Variants in SH3GL2 observed in about 807,000 individuals in gnomAD.
SH3GL2 encodes the protein SH3 domain containing GRB2 like 2, endophilin A1.
SH3GL2 carries 24 observed loss-of-function variants against 46.0 expected under a neutral mutation model. That is an observed-to-expected ratio of 0.52 (90% CI 0.38 to 0.73). The LOEUF (loss-of-function observed/expected upper bound fraction) is 0.73, where lower values mean the gene tolerates loss of function less well. Among genes scored for constraint, SH3GL2 ranks in the 30% least tolerant of loss-of-function variants. The pLI, the probability that SH3GL2 is intolerant of heterozygous loss-of-function variation, is 0.00. For synonymous variants in SH3GL2, 196 were observed against 147.1 expected, an observed-to-expected ratio of 1.33 and a Z score of -2.40; for missense variants, 413 against 424.2, an observed-to-expected ratio of 0.97 and a Z score of 0.23.
intron 1 of SH3GL2, among the ~76,000 whole-genome samples, chr9:17,668,381 C>A (rs138293542): frequency 1.5e-4 from 23 of 152,274 alleles, no homozygotes; most frequent in African/African-American, 5.5e-4. Flanking sequence ...ACTGTTCTTT[C>A]CTCATTCAAT....
rs1823958462 is a variant in SH3GL2, at chr9:17,786,406, C to T, written c.213C>T (p.Ile71=). 1 of 1,613,122 alleles carries T rather than the reference C, an allele frequency of 6.2e-7. No homozygotes were observed. The highest frequency in any genetic ancestry group is 8.5e-7 in the Non-Finnish European group (1 of 1,179,600). The change falls in exon 4 of 9, where the codon ATC becomes ATT. Residue 71 remains isoleucine, a synonymous_variant. Transcript: ENST00000380607. ...CTTCCAGAGCTAAGCTCAGCATGATCAACACCATGTCAAAAATCCGTGGCC... is the reference window on the plus strand; with the variant it reads ...CTTCCAGAGCTAAGCTCAGCATGATTAACACCATGTCAAAAATCCGTGGCC... ...NPASRAKLSM[I]NTMSKIRGQE...
rs1453534306 is a variant in SH3GL2 at position 17,622,976 on chromosome 9, GTTTCCTTTCGTTTCC to G, written c.45+43699_45+43713del. On this transcript the variant is annotated intron_variant, in intron 1 of 8. Transcript: ENST00000380607. Reference sequence around the variant, plus strand: ...CCCTTCCTCCCTCCCTTTTCCTTTCGTTTCCTTTCGTTTCCTTTCCTTTCCTTTCCTTTCCTTTCC... The same window carrying G: ...CCCTTCCTCCCTCCCTTTTCCTTTCGTTTCCTTTCCTTTCCTTTCCTTTCC... 2.7e-4 allele frequency among the ~76,000 whole-genome samples: 21 copies of G among 78,742 alleles called. 1 individual carries two copies. The highest frequency in any genetic ancestry group is 1.4e-3 in the Admixed American group (10 of 6,970). 51.7% of individuals were successfully genotyped at this position (78,742 alleles called of 152,430 possible).
chr9:17,579,382 C>A (rs907324409), intron 1 of SH3GL2, 95 bp downstream of exon 1: 58 of 696,482 alleles, frequency 8.3e-5, no homozygotes, highest in Admixed American at 1.8e-4. Flanking sequence ...TTGGGGAGTT[C>A]GGCACCGAGC....
At chr9:17,658,690 A>C (rs1476229769) in intron 1 of SH3GL2, among the ~76,000 whole-genome samples, 1 of 152,164 alleles carries the variant, frequency 6.6e-6, no homozygotes, top group African/African-American at 2.4e-5. Context: ...ATTTATTGGG[A>C]GGAGAGCTGT....
At chr9:17,606,253 C>T (rs1818759674) in intron 1 of SH3GL2, among the ~76,000 whole-genome samples, 2 of 152,088 alleles carry the variant, frequency 1.3e-5, no homozygotes, top group Admixed American at 1.3e-4. Flanking sequence ...CCACCACACC[C>T]AGCTAATTTT....
chr9:17,794,806 A>G (rs573626721), intron 8 of SH3GL2, among the ~76,000 whole-genome samples: 21 of 152,298 alleles, frequency 1.4e-4, no homozygotes, highest in Non-Finnish European at 2.6e-4. Context: ...TGCACTGCAT[A>G]TATTTATGTA....
chr9:17,753,685 C>T (rs1822911100), intron 2 of SH3GL2, among the ~76,000 whole-genome samples: 1 of 152,062 alleles, frequency 6.6e-6, no homozygotes, highest in South Asian at 2.1e-4. Context: ...ATAATTAGAT[C>T]CCATTTGTTA....
At chr9:17,601,107 T>G (rs979798628) in intron 1 of SH3GL2, among the ~76,000 whole-genome samples, 3 of 152,182 alleles carry the variant, frequency 2.0e-5, no homozygotes, top group African/African-American at 4.8e-5. Flanking sequence ...TGGTGGTGTT[T>G]CTACAGCTTT....
chr9:17,736,994 C>T (rs1482925667), intron 1 of SH3GL2, among the ~76,000 whole-genome samples: 3 of 152,090 alleles, frequency 2.0e-5, no homozygotes, highest in Non-Finnish European at 4.4e-5. Flanking sequence ...AAATGTGGCA[C>T]ATATACACCA....
At chr9:17,706,879 G>C (rs1035780693) in intron 1 of SH3GL2, among the ~76,000 whole-genome samples, 2 of 151,958 alleles carry the variant, frequency 1.3e-5, no homozygotes, top group African/African-American at 2.4e-5. Flanking sequence ...AGTTGCTGTA[G>C]GGTTTTACCT....
In SH3GL2 at chr9:17,791,340, C is replaced by A; in HGVS notation, c.728+6C>A. The stretch of plus-strand genomic sequence containing the variant: ...ACGGTCAGACTGGAAGAAAGGTATT[C>A]TACAGTTCCCTGCATTTCACATTTG... On this transcript the variant is annotated splice_donor_region_variant and intron_variant, in intron 7 of 8. Coordinates refer to ENST00000380607, the MANE Select transcript of SH3GL2 (RefSeq NM_003026.5). 6.5e-7 allele frequency: 1 copy of A among 1,547,866 alleles called. No individual in the cohort carries two copies. Among genetic ancestry groups the A allele is most frequent in the Middle Eastern group, 1.7e-4 (1 of 5,896 alleles).
At chr9:17,678,521 G>C (rs201647411) in intron 1 of SH3GL2, among the ~76,000 whole-genome samples, 31 of 152,138 alleles carry the variant, frequency 2.0e-4, no homozygotes, top group South Asian at 1.2e-3. Context: ...ATTGTAGATT[G>C]TGGATATTAG....
chr9:17,738,184 A>T (rs970936675), intron 1 of SH3GL2, among the ~76,000 whole-genome samples: 1 of 152,006 alleles, frequency 6.6e-6, no homozygotes, highest in Non-Finnish European at 1.5e-5. Context: ...TAGGCATTCA[A>T]TTTGAGTGCT....
intron 1 of SH3GL2, chr9:17,589,525 A>G (rs1818442599): frequency 6.6e-6 from 1 of 152,124 alleles, no homozygotes; most frequent in East Asian, 1.9e-4. Context: ...GAACAGTGAC[A>G]ACTTCTCTAA....
At chr9:17,698,951 C>G (rs1389172925) in intron 1 of SH3GL2, among the ~76,000 whole-genome samples, 2 of 151,824 alleles carry the variant, frequency 1.3e-5, no homozygotes, top group Non-Finnish European at 2.9e-5. Context: ...AGTCAGGAGA[C>G]TGAGACCATC....
At chr9:17,594,997 TTAAAA>T (rs1485977488) in intron 1 of SH3GL2, among the ~76,000 whole-genome samples, 2 of 152,212 alleles carry the variant, frequency 1.3e-5, no homozygotes, top group African/African-American at 4.8e-5. Context: ...GATTGTAAGT[TTAAAA>T]TAAACTTCCT....
Position 17,718,826 on chromosome 9 carries a change from A to T in SH3GL2, c.46-28240A>T, listed in dbSNP as rs188868567. 7.9e-5 allele frequency among the ~76,000 whole-genome samples: 12 copies of T among 152,214 alleles called. No individual in the cohort carries two copies. The East Asian group carries it at 1.5e-3, about 20-fold the overall frequency. ...CATTGTACTTTTAATTAGTTTCTGG[A>T]TGATTCTGGTTCAGGTGGGTCCTGC... On this transcript the variant is annotated intron_variant, in intron 1 of 8. Coordinates refer to ENST00000380607, the MANE Select transcript of SH3GL2 (RefSeq NM_003026.5).
At chr9:17,748,108 G>A (rs539077548) in intron 2 of SH3GL2, among the ~76,000 whole-genome samples, 54 of 152,330 alleles carry the variant, frequency 3.5e-4, no homozygotes, top group African/African-American at 1.3e-3. Context: ...GGGTAGAAGT[G>A]ATGAACAAAA....
intron 3 of SH3GL2, among the ~76,000 whole-genome samples, chr9:17,764,127 A>G (rs754138941): frequency 3.3e-5 from 5 of 152,228 alleles, no homozygotes; most frequent in Non-Finnish European, 7.3e-5. Context: ...ACTAAGAACA[A>G]TGAAGGCCAT....
Sources: allele counts gnomAD v4.1 joint callset (sites outside exome capture counted in the v4.1 genomes callset), GRCh38; gene constraint gnomAD v4.1.1; transcripts MANE v1.5; gene names NCBI Gene and HGNC (gene_info 2026-07-23, HGNC 2026-07-21).